The following CMIP variants were observed in gnomAD, a reference collection of about 807,000 sequenced individuals.
CMIP encodes C-Maf-inducing protein.
In CMIP, 13 loss-of-function variants were observed where a neutral mutation model predicts 97.3. The ratio of observed to expected loss-of-function variants is 0.13; its 90% CI spans 0.09 to 0.21. CMIP has a LOEUF of 0.21. Ranked by LOEUF, CMIP falls within the 10% of genes least tolerant of loss-of-function variation. The pLI is 1.00. For missense variants in CMIP, 847 were observed against 1,024.9 expected, an observed-to-expected ratio of 0.83 and a Z score of 2.37; for synonymous variants, 538 against 436.3, an observed-to-expected ratio of 1.23 and a Z score of -2.91.
At chr16:81,525,186 C>A (rs1180323230) in intron 1 of CMIP, among the ~76,000 whole-genome samples, 1 of 151,884 alleles carries the variant, frequency 6.6e-6, no homozygotes, top group Non-Finnish European at 1.5e-5. Context: ...CTCAGCCACC[C>A]AGGCTGGAGT....
chr16:81,458,760 T>C (rs1436111516), intron 1 of CMIP, among the ~76,000 whole-genome samples: 1 of 152,140 alleles, frequency 6.6e-6, no homozygotes, highest in East Asian at 1.9e-4. Context: ...ATGAGGCCAT[T>C]TAACCAGTGG....
chr16:81,574,315 C>G (rs1459096247), intron 1 of CMIP, among the ~76,000 whole-genome samples: 1 of 105,132 alleles, frequency 9.5e-6, no homozygotes, highest in Non-Finnish European at 2.2e-5. Context: ...CTCAGCCCTT[C>G]TGGGGCTGCC....
At chr16:81,629,495 C>T (rs1176228349) in intron 3 of CMIP, among the ~76,000 whole-genome samples, 2 of 152,208 alleles carry the variant, frequency 1.3e-5, no homozygotes, top group Non-Finnish European at 2.9e-5. Context: ...AAGACGTTGC[C>T]CTTGAACCCC....
chr16:81,553,647 G>A (rs2090704849), intron 1 of CMIP, among the ~76,000 whole-genome samples: 1 of 152,236 alleles, frequency 6.6e-6, no homozygotes, highest in Admixed American at 6.5e-5. Flanking sequence ...TGGAGAGGAA[G>A]GCTGGGCGTG....
intron 1 of CMIP, among the ~76,000 whole-genome samples, chr16:81,578,098 A>C (rs866361973): frequency 0.012 from 929 of 79,752 alleles, no homozygotes; most frequent in African/African-American, 0.013. Flanking sequence ...CCATCATCCC[A>C]ATTACCACTA....
At chr16:81,672,287 G>A (rs1022430230) in intron 9 of CMIP, among the ~76,000 whole-genome samples, 5 of 152,214 alleles carry the variant, frequency 3.3e-5, no homozygotes, top group East Asian at 1.9e-4. Flanking sequence ...AATCAGCACC[G>A]CAACTGCAAG....
At chr16:81,667,819 T>TG (rs1555547020) in intron 7 of CMIP, among the ~76,000 whole-genome samples, 2 of 150,628 alleles carry the variant, frequency 1.3e-5, no homozygotes, top group Admixed American at 6.6e-5. Flanking sequence ...TGTGTGTGTG[T>TG]GTGTGTGTGT....
chr16:81,689,657 A>C (rs1176324011), intron 10 of CMIP, among the ~76,000 whole-genome samples: 2 of 152,148 alleles, frequency 1.3e-5, no homozygotes, highest in African/African-American at 4.8e-5. Context: ...TCTTTAGTTT[A>C]ATTAGATCCC....
intron 17 of CMIP, 69 bp from the exon 18 acceptor site, chr16:81,703,870 G>A (rs1907713948): frequency 1.6e-5 from 24 of 1,524,516 alleles, no homozygotes; most frequent in African/African-American, 2.7e-5. Flanking sequence ...GGAGGATAGG[G>A]GATAGGAGGG....
chr16:81,456,481 A>AG (rs1479089047), intron 1 of CMIP, among the ~76,000 whole-genome samples: 4 of 152,206 alleles, frequency 2.6e-5, no homozygotes, highest in African/African-American at 9.6e-5. Context: ...ATCACCAGCA[A>AG]GGCAACAGTA....
At chr16:81,508,131 A>G (rs78069094) in intron 1 of CMIP, among the ~76,000 whole-genome samples, 128 of 152,344 alleles carry the variant, frequency 8.4e-4, no homozygotes, top group African/African-American at 3.0e-3. Flanking sequence ...CCTCTACTTT[A>G]TATTATTTTG....
chr16:81,474,682 C>T (rs1357726178), intron 1 of CMIP, among the ~76,000 whole-genome samples: 1 of 152,222 alleles, frequency 6.6e-6, no homozygotes, highest in Non-Finnish European at 1.5e-5. Flanking sequence ...CCACTGTCCG[C>T]CTGCGGAGGG....
At chr16:81,666,409 C>G (rs1335218783) in intron 7 of CMIP, 1 of 152,182 alleles carries the variant, frequency 6.6e-6, no homozygotes, top group East Asian at 1.9e-4. Context: ...GGACATCTGA[C>G]TTCAAAGGGA....
chr16:81,478,946 C>T (rs1375214169), intron 1 of CMIP, among the ~76,000 whole-genome samples: 3 of 152,196 alleles, frequency 2.0e-5, no homozygotes, highest in Admixed American at 6.5e-5. Flanking sequence ...GTTGGAGACC[C>T]GTCCTCACCC....
chr16:81,571,281 G>A (rs978963222), intron 1 of CMIP, among the ~76,000 whole-genome samples: 9 of 152,112 alleles, frequency 5.9e-5, no homozygotes, highest in African/African-American at 1.9e-4. Flanking sequence ...ACCAGCTTGG[G>A]CAACATAGTG....
At chr16:81,661,562 C>G (rs1364101113) in intron 6 of CMIP, among the ~76,000 whole-genome samples, 1 of 152,216 alleles carries the variant, frequency 6.6e-6, no homozygotes, top group East Asian at 1.9e-4. Flanking sequence ...CATACCCCTG[C>G]TGCCCCGCTC....
intron 1 of CMIP, among the ~76,000 whole-genome samples, chr16:81,499,070 T>G (rs2089547233): frequency 6.6e-6 from 1 of 152,112 alleles, no homozygotes. Flanking sequence ...GAAACTGAGG[T>G]GTAGAGCAGT....
intron 20 of CMIP, 91 bp from the exon 21 acceptor site, chr16:81,709,655 C>G: frequency 1.4e-6 from 2 of 1,449,938 alleles, no homozygotes; most frequent in Non-Finnish European, 9.6e-7. Flanking sequence ...TGGCAGAGAC[C>G]CCCAGCCGGC....
chr16:81,502,707 T>C (rs1299787715), intron 1 of CMIP, among the ~76,000 whole-genome samples: 1 of 152,232 alleles, frequency 6.6e-6, no homozygotes, highest in Non-Finnish European at 1.5e-5. Flanking sequence ...TTCCCATTGC[T>C]TTGTTTGGCA....
Sources: gnomAD v4.1 joint callset for allele counts (sites outside exome capture counted in the v4.1 genomes callset) on GRCh38, gnomAD v4.1.1 for gene constraint, MANE v1.5 for transcripts, NCBI Gene and HGNC (gene_info 2026-07-23, HGNC 2026-07-21) for gene names.